OPCML: variants seen among roughly 807,000 people sequenced by gnomAD.
OPCML encodes the protein opioid binding protein/cell adhesion molecule like, also known as opioid-binding protein/cell adhesion molecule.
A neutral mutation model predicts 37.8 loss-of-function variants in OPCML; 13 were observed. The ratio of observed to expected loss-of-function variants is 0.34; its 90% confidence interval spans 0.22 to 0.55. The LOEUF (loss-of-function observed/expected upper bound fraction) is 0.55. Ranked by LOEUF, OPCML falls within the 20% of genes least tolerant of loss-of-function variation. The probability of loss-of-function intolerance (pLI) is 0.91; values close to 1 mark genes in which losing one functional copy is unlikely to be tolerated. For synonymous variants in OPCML, 176 were observed against 168.8 expected, an observed-to-expected ratio of 1.04 and a Z score of -0.33; for missense variants, 341 against 435.6, an observed-to-expected ratio of 0.78 and a Z score of 1.93.
intron 4 of OPCML, among the ~76,000 whole-genome samples, chr11:132,444,381 A>T (rs2136798497): frequency 6.6e-6 from 1 of 152,308 alleles, no homozygotes; most frequent in African/African-American, 2.4e-5. Flanking sequence ...CTGATGTGAG[A>T]GCCCCCTTCT....
At chr11:132,934,275 G>C (rs1279432802) in intron 2 of OPCML, among the ~76,000 whole-genome samples, 6 of 152,124 alleles carry the variant, frequency 3.9e-5, no homozygotes, top group Non-Finnish European at 7.4e-5. Flanking sequence ...GACAAGGCAG[G>C]GTACCCAGTC....
At chr11:133,216,557 GTATATTTTA>G (rs1939593894) in intron 1 of OPCML, among the ~76,000 whole-genome samples, 1 of 152,086 alleles carries the variant, frequency 6.6e-6, no homozygotes, top group South Asian at 2.1e-4. Context: ...CACCTATTTT[GTATATTTTA>G]TATTCATTAT....
chr11:132,916,039 G>A (rs527780968), intron 2 of OPCML, among the ~76,000 whole-genome samples: 274 of 152,138 alleles, frequency 1.8e-3, no homozygotes, highest in African/African-American at 6.4e-3. Context: ...TTTTGTAAGT[G>A]TGCATGTATG....
Position 132,613,875 on chromosome 11 carries a change from G to A in OPCML, c.379+43212C>T, listed in dbSNP as rs144459586. 4.7e-3 allele frequency among the ~76,000 whole-genome samples: 708 copies of A among 152,098 alleles called. 5 individuals carry two copies. The highest frequency in any genetic ancestry group is 0.016 in the African/African-American group (648 of 41,494). On this transcript the variant is annotated intron_variant, in intron 3 of 7. Coordinates refer to ENST00000524381, the MANE Select transcript of OPCML (RefSeq NM_001012393.5). ...CTTGCATGGAATGAACAAAAGAGTC[G>A]TCTTTTGAAACCTCTTCTGGGGATG...
intron 1 of OPCML, among the ~76,000 whole-genome samples, chr11:133,378,610 T>A (rs1261419525): frequency 6.6e-6 from 1 of 152,220 alleles, no homozygotes; most frequent in Non-Finnish European, 1.5e-5. Context: ...GCTGACGTAT[T>A]TTTAATCCTT....
intron 2 of OPCML, among the ~76,000 whole-genome samples, chr11:132,933,824 G>A (rs769813231): frequency 7.2e-5 from 11 of 152,198 alleles, no homozygotes; most frequent in Non-Finnish European, 1.5e-4. Context: ...AGCACACGGC[G>A]GTACAAATTT....
intron 2 of OPCML, among the ~76,000 whole-genome samples, chr11:132,666,184 C>A (rs887796834): frequency 6.6e-6 from 1 of 152,148 alleles, no homozygotes; most frequent in South Asian, 2.1e-4. Flanking sequence ...AAGAGGTTTA[C>A]GTGGCTCACG....
At chr11:132,689,671 AAC>A (rs1175158749) in intron 2 of OPCML, among the ~76,000 whole-genome samples, 4 of 152,228 alleles carry the variant, frequency 2.6e-5, no homozygotes, top group Non-Finnish European at 2.9e-5. Flanking sequence ...AGAATTTGAT[AAC>A]AGAGTCTGTG....
At chr11:133,167,167 G>A (rs1950218924) in intron 1 of OPCML, among the ~76,000 whole-genome samples, 1 of 152,188 alleles carries the variant, frequency 6.6e-6, no homozygotes, top group Non-Finnish European at 1.5e-5. Flanking sequence ...CTGGAAGGCT[G>A]CTCGGGCACT....
intron 1 of OPCML, among the ~76,000 whole-genome samples, chr11:133,045,407 C>G (rs1947988069): frequency 6.6e-6 from 1 of 152,192 alleles, no homozygotes; most frequent in African/African-American, 2.4e-5. Flanking sequence ...CCCGGAGGGA[C>G]AGTCACAGAT....
At chr11:132,744,193 C>T (rs749089897) in intron 2 of OPCML, among the ~76,000 whole-genome samples, 6 of 152,274 alleles carry the variant, frequency 3.9e-5, no homozygotes, top group South Asian at 4.1e-4. Flanking sequence ...TGCAACTCCT[C>T]GAAAGATTTT....
intron 3 of OPCML, among the ~76,000 whole-genome samples, chr11:132,633,674 C>T (rs912629303): frequency 2.0e-5 from 3 of 152,062 alleles, no homozygotes; most frequent in Non-Finnish European, 4.4e-5. Context: ...CTTCCACAAA[C>T]CTGATCAGAT....
Position 132,750,794 on chromosome 11 carries a change from CT to C in OPCML, c.147-93476del, listed in dbSNP as rs762942241. ...ACAGAACATTCTTTGTAAAGAAAACCTTTTTTTTTTTTTGAGACAGAGTCTC... is the reference window on the plus strand; with the variant it reads ...ACAGAACATTCTTTGTAAAGAAAACCTTTTTTTTTTTTGAGACAGAGTCTC... On this transcript the variant is annotated intron_variant, in intron 2 of 7. Coordinates refer to ENST00000524381, the MANE Select transcript of OPCML (RefSeq NM_001012393.5). 4.2e-3 allele frequency among the ~76,000 whole-genome samples: 604 copies of C among 143,984 alleles called. 3 individuals are homozygous for C. Among genetic ancestry groups the C allele is most frequent in the East Asian group, 0.011 (54 of 4,980 alleles). 94.5% of individuals were successfully genotyped at this position (143,984 alleles called of 152,430 possible).
chr11:133,475,220 T>TG (rs1261674901), intron 1 of OPCML, among the ~76,000 whole-genome samples: 1 of 126,798 alleles, frequency 7.9e-6, no homozygotes, highest in Non-Finnish European at 1.5e-5. Context: ...GGTTTTTTTT[T>TG]GTTGTTTTTT....
At chr11:132,848,522 C>G (rs1223366006) in intron 2 of OPCML, among the ~76,000 whole-genome samples, 1 of 152,234 alleles carries the variant, frequency 6.6e-6, no homozygotes, top group Admixed American at 6.5e-5. Context: ...TGCTTGGGCT[C>G]TGACCACAAC....
At chr11:133,276,685 G>T (rs555785668) in intron 1 of OPCML, among the ~76,000 whole-genome samples, 1 of 151,970 alleles carries the variant, frequency 6.6e-6, no homozygotes, top group Admixed American at 6.6e-5. Flanking sequence ...CATTTTTCTC[G>T]ATCTCTCTGG....
At chr11:133,307,120 A>G (rs1942941191) in intron 1 of OPCML, among the ~76,000 whole-genome samples, 1 of 152,106 alleles carries the variant, frequency 6.6e-6, no homozygotes, top group Non-Finnish European at 1.5e-5. Context: ...TCCCTCATGG[A>G]ATTTCATAGG....
At chr11:133,136,002 T>G (rs531050241) in intron 1 of OPCML, among the ~76,000 whole-genome samples, 2 of 152,320 alleles carry the variant, frequency 1.3e-5, no homozygotes, top group East Asian at 3.9e-4. Context: ...ATATTACCCT[T>G]CACAGACTCA....
chr11:132,502,695 A>T, intron 4 of OPCML, among the ~76,000 whole-genome samples: 1 of 152,204 alleles, frequency 6.6e-6, no homozygotes, highest in Non-Finnish European at 1.5e-5. Context: ...TTGTTAAGTG[A>T]AACAAGAGTT....
Sources: gnomAD v4.1 joint callset for allele counts (sites outside exome capture counted in the v4.1 genomes callset) on GRCh38, gnomAD v4.1.1 for gene constraint, MANE v1.5 for transcripts, NCBI Gene and HGNC (gene_info 2026-07-23, HGNC 2026-07-21) for gene names.